Variants in PARP10 observed in about 807,000 individuals in gnomAD.
The protein encoded by PARP10 is poly(ADP-ribose) polymerase family member 10.
Under a neutral mutation model 82.4 loss-of-function variants are expected in PARP10, and 56 were observed. The observed-to-expected ratio is 0.68, with a 90% CI of 0.55 to 0.85. The LOEUF (loss-of-function observed/expected upper bound fraction) is 0.85. Ranked by LOEUF, PARP10 falls within the 40% of genes least tolerant of loss-of-function variation. The pLI is 0.00. For missense variants in PARP10, 1,227 were observed against 1,379.4 expected (o/e 0.89, Z 1.75); for synonymous variants, 576 against 601.1 (o/e 0.96, Z 0.61).
upstream of PARP10, among the ~76,000 whole-genome samples, chr8:143,994,258 G>T (rs1229073405): frequency 6.6e-6 from 1 of 152,210 alleles, no homozygotes. Flanking sequence ...CGCAGTTGTG[G>T]GGTGCCCAGA....
chr8:143,980,256 C>T (rs1205308592), intron 9 of PARP10, among the ~76,000 whole-genome samples: 3 of 127,064 alleles, frequency 2.4e-5, no homozygotes, highest in African/African-American at 8.8e-5. Flanking sequence ...GGAGGCAGAG[C>T]TTGCAGTGAG....
At chr8:143,989,067 A>AC (rs1302820022), upstream of PARP10, 3 of 152,300 alleles carry the variant, frequency 2.0e-5, no homozygotes, top group Non-Finnish European at 4.4e-5. The surrounding 1 kb of genome is among the most constrained non-coding windows in gnomAD (Gnocchi z 4.3). Flanking sequence ...CAAAACACGC[A>AC]CCCCAGGCTT....
chr8:144,005,915 G>A (rs1489235205), intron 1 of PARP10, among the ~76,000 whole-genome samples: 1 of 151,978 alleles, frequency 6.6e-6, no homozygotes, highest in Non-Finnish European at 1.5e-5. Flanking sequence ...CCACCACATT[G>A]ACCATCTTCC....
At chr8:143,978,215 A>G in intron 9 of PARP10, 134 bp from the exon 10 acceptor site, 1 of 1,023,252 alleles carries the variant, frequency 9.8e-7, no homozygotes, top group Admixed American at 3.0e-5. Flanking sequence ...TGCAGCCCCC[A>G]TCATGCTCTG....
upstream of PARP10, chr8:143,991,228 C>T (rs782486138): frequency 5.7e-6 from 9 of 1,577,746 alleles, no homozygotes; most frequent in African/African-American, 1.1e-4. Context: ...GAGGCCATGT[C>T]CCATGAAAAG....
intron 9 of PARP10, among the ~76,000 whole-genome samples, chr8:143,982,391 G>A (rs1554747963): frequency 1.3e-5 from 2 of 152,126 alleles, no homozygotes; most frequent in Non-Finnish European, 2.9e-5. Context: ...GGAGAATGGC[G>A]TGAACCCGGG....
At position 143,984,742 on chromosome 8, in the gene PARP10, G is replaced by A. The variant is rs781795682; in HGVS notation, c.1260C>T (p.Thr420=). The change falls in exon 5 of 11, where the codon ACC becomes ACT. Residue 420 remains threonine, a synonymous_variant. Transcript: ENST00000313028. ...QEGLVGPMEI[T]MGSLEKAGPV... is the part of the protein sequence containing the mutation. ...GCCCTGCCTTCTCCAGAGACCCCAT[G>A]GTGATCTCCATGGGACCCACCAGCC... The A allele has an allele frequency of 3.7e-6, 6 of 1,613,396 alleles. No individual in the cohort carries two copies. The South Asian group carries it at 5.5e-5, about 15-fold the overall frequency.
At chr8:143,980,810 A>C (rs552304968) in intron 9 of PARP10, among the ~76,000 whole-genome samples, 1 of 152,306 alleles carries the variant, frequency 6.6e-6, no homozygotes, top group South Asian at 2.1e-4. Context: ...CTAGGATTTC[A>C]CTTCTCTTTC....
At chr8:144,009,434 C>G (rs1020298413) in intron 1 of PARP10, among the ~76,000 whole-genome samples, 1 of 152,222 alleles carries the variant, frequency 6.6e-6, no homozygotes, top group Non-Finnish European at 1.5e-5. Flanking sequence ...GTGGGCACTT[C>G]TGCTGTATGT....
In PARP10 at chr8:143,985,456, A is replaced by G; in HGVS notation, c.629T>C (p.Leu210Pro). ...GGGPLEDLQR[L>P]PGPLGTVASF... is the part of the protein sequence containing the mutation. ...GGCAACAGTGCCCAGGGGCCCGGGT[A>G]GGCGTTGCAGGTCCTCCAGGGGCCC... Residue 210 changes from leucine (L) to proline (P), a missense_variant, in exon 4 of 11, where the codon CTA becomes CCA. By Grantham distance (98) the Leu-to-Pro change is moderately conservative. Transcript: ENST00000313028. 1 of 1,612,622 alleles carries G rather than the reference A, an allele frequency of 6.2e-7. No homozygotes were observed. The highest frequency in any genetic ancestry group is 8.5e-7 in the Non-Finnish European group (1 of 1,179,386).
chr8:144,007,913 G>T (rs782774828), intron 1 of PARP10, among the ~76,000 whole-genome samples: 6 of 152,198 alleles, frequency 3.9e-5, no homozygotes, highest in Non-Finnish European at 8.8e-5. Flanking sequence ...TGTTAGGACT[G>T]TCACGACAGT....
intron 1 of PARP10, among the ~76,000 whole-genome samples, chr8:144,005,347 A>G (rs1554752016): frequency 2.6e-5 from 4 of 152,098 alleles, no homozygotes; most frequent in African/African-American, 9.7e-5. Flanking sequence ...AGGGAAGCAG[A>G]CAGGCCCAGG....
chr8:143,983,644 A>G lies in PARP10; in HGVS notation c.1945T>C (p.Trp649Arg). ...TGCAGAGCGGCCTCCTCCTCCAGCC[A>G]CCTGGGTGCCACAGTGCTGGGGGCC... ...PVAPSTVAPR[W>R]LEEEAALQLA... The change falls in exon 8 of 11, where the codon TGG becomes CGG. Residue 649 changes from tryptophan (W) to arginine (R), a missense_variant. Transcript: ENST00000313028. 1.2e-6 allele frequency: 2 copies of G among 1,607,360 alleles called. No homozygotes were observed. The highest frequency in any genetic ancestry group is 1.7e-6 in the Non-Finnish European group (2 of 1,177,016).
chr8:143,998,872 C>G (rs966806376), intron 1 of PARP10, among the ~76,000 whole-genome samples: 9 of 151,722 alleles, frequency 5.9e-5, no homozygotes, highest in South Asian at 2.1e-4. Context: ...ATCACCTGAG[C>G]TAGGGAGTTT....
At position 143,983,053 on chromosome 8, in the gene PARP10, G is replaced by T. The variant is rs147273541; in HGVS notation, c.2435C>A (p.Thr812Lys). 1 of 1,612,262 alleles carries T rather than the reference G, an allele frequency of 6.2e-7. No individual in the cohort carries two copies. Among genetic ancestry groups the T allele is most frequent in the African/African-American group, 1.3e-5 (1 of 74,896 alleles). Reference sequence around the variant, plus strand: ...CAGGTTGTTCCAGGGCCCCTTCAGCGTCTGCCCCGCCACTGATGCATGGGG... The same window carrying T: ...CAGGTTGTTCCAGGGCCCCTTCAGCTTCTGCCCCGCCACTGATGCATGGGG... Reference protein sequence around the residue: ...AASGPTLAGQTLKGPWNNLER... With the variant: ...AASGPTLAGQKLKGPWNNLER... Residue 812 changes from threonine (T) to lysine (K), a missense_variant, in exon 9 of 11, where the codon ACG becomes AAG. Thr to Lys is a moderately conservative substitution (Grantham distance 78). Transcript: ENST00000313028.
In PARP10 at chr8:144,007,622, A is replaced by T. The variant is rs1554752165; in HGVS notation, c.-80+4908T>A. 2.6e-5 allele frequency among the ~76,000 whole-genome samples: 4 copies of T among 152,194 alleles called. No individual in the cohort carries two copies. The South Asian group carries it at 8.3e-4, about 32-fold the overall frequency. On this transcript the variant is annotated intron_variant, in intron 1 of 3. Coordinates refer to the PARP10 transcript ENST00000530478. The stretch of plus-strand genomic sequence containing the variant: ...TGTGGCCCTTGTCCTCTCCTGAGAT[A>T]TCACTCTAAGTCCTTCCTCTGGGCA...
In PARP10 at chr8:143,985,225, G is replaced by C; in HGVS notation, c.777C>G (p.Thr259=). Residue 259 remains threonine (T), a synonymous_variant, in exon 5 of 11, where the codon ACC becomes ACG. Coordinates refer to ENST00000313028, the MANE Select transcript of PARP10 (RefSeq NM_032789.5). ...ILEPEELAEN[T]SGGDHPSTQG... ...GGGTGGACGGGTGGTCCCCTCCACT[G>C]GTGTTCTCAGCCAGCTCCTCGGGCT... The C allele has an allele frequency of 6.2e-7, 1 of 1,614,056 alleles. No individual in the cohort carries two copies. The highest frequency in any genetic ancestry group is 8.5e-7 in the Non-Finnish European group (1 of 1,180,008).
intron 1 of PARP10, among the ~76,000 whole-genome samples, chr8:143,997,225 A>ATCTCT (rs1186179382): frequency 6.6e-6 from 1 of 152,094 alleles, no homozygotes; most frequent in African/African-American, 2.4e-5. Flanking sequence ...CTCAACTCCC[A>ATCTCT]TCTCTTCACT....
chr8:143,977,858 G>C (rs782372104), intron 10 of PARP10, 28 bp from the exon 11 acceptor site: 2 of 1,598,464 alleles, frequency 1.3e-6, no homozygotes, highest in Admixed American at 3.4e-5. Flanking sequence ...GCAAGGTCAG[G>C]GTGGTCGGGG....
Sources: allele counts gnomAD v4.1 joint callset (sites outside exome capture counted in the v4.1 genomes callset), GRCh38; gene constraint gnomAD v4.1.1; non-coding constraint Gnocchi (gnomAD v3.1); transcripts MANE v1.5; gene names NCBI Gene and HGNC (gene_info 2026-07-23, HGNC 2026-07-21).